The following SGCG variants were observed in gnomAD, a reference collection of about 807,000 sequenced individuals.
The protein encoded by SGCG is gamma-sarcoglycan.
SGCG carries 26 observed loss-of-function variants against 29.3 expected under a neutral mutation model. The ratio of observed to expected loss-of-function variants is 0.89; its 90% CI spans 0.65 to 1.23. The LOEUF is 1.23. SGCG is among the 50% of genes most tolerant of loss of function. The pLI is 0.00. For synonymous variants in SGCG, 145 were observed against 129.7 expected (o/e 1.12, Z -0.80); for missense variants, 353 against 356.0 (o/e 0.99, Z 0.07).
In SGCG at chr13:23,279,377, T is replaced by C. The variant is rs1315465837; in HGVS notation, c.404T>C (p.Val135Ala). ...RLKVGPKMVE[V>A]QNQQFQINSN... ...TCTTCAGGTCCCAAAATGGTAGAAG[T>C]CCAGAATCAACAGTTTCAGATCAAC... The change falls in exon 5 of 8, where the codon GTC becomes GCC. Residue 135 changes from valine to alanine, a missense_variant. By Grantham distance (64) the Val-to-Ala change is moderately conservative. Coordinates refer to ENST00000218867, the MANE Select transcript of SGCG (RefSeq NM_000231.3). 1 of 1,613,044 alleles carries C rather than the reference T, an allele frequency of 6.2e-7. No individual in the cohort carries two copies. Among genetic ancestry groups the C allele is most frequent in the African/African-American group, 1.3e-5 (1 of 74,866 alleles).
intron 6 of SGCG, among the ~76,000 whole-genome samples, chr13:23,307,688 C>A (rs1029911840): frequency 6.6e-6 from 1 of 151,566 alleles, no homozygotes. Context: ...AAATATAGGG[C>A]AATAATATTA....
At chr13:23,304,518 T>C (rs952040886) in intron 6 of SGCG, among the ~76,000 whole-genome samples, 6 of 152,130 alleles carry the variant, frequency 3.9e-5, no homozygotes, top group Admixed American at 3.9e-4. Flanking sequence ...CACTTGGGGC[T>C]GTTCCTGCAA....
chr13:23,288,635 C>T lies in SGCG; in HGVS notation c.506-6780C>T, dbSNP rs1429382846. Reference sequence around the variant, plus strand: ...GGCCTTTAAGCAGGCTCATCTTCCTCCCCCACAAAATTAGACACCAAGTGG... The same window carrying T: ...GGCCTTTAAGCAGGCTCATCTTCCTTCCCCACAAAATTAGACACCAAGTGG... On this transcript the variant is annotated intron_variant, in intron 5 of 7. Coordinates refer to ENST00000218867, the MANE Select transcript of SGCG (RefSeq NM_000231.3). Among the ~76,000 whole-genome samples the T allele has an allele frequency of 4.6e-5, 7 of 152,194 alleles. No homozygotes were observed. In the East Asian group the frequency reaches 9.6e-4, roughly 21 times the overall value.
chr13:23,213,048 G>A (rs148294686), intron 2 of SGCG, among the ~76,000 whole-genome samples: 25 of 152,274 alleles, frequency 1.6e-4, no homozygotes, highest in East Asian at 9.6e-4. Context: ...TACAACACAC[G>A]GAAACTTTCT....
chr13:23,292,298 C>T (rs578036375), intron 5 of SGCG, among the ~76,000 whole-genome samples: 13 of 152,118 alleles, frequency 8.5e-5, no homozygotes, highest in African/African-American at 2.4e-4. Flanking sequence ...TTAGTAGAGA[C>T]GGGATTTGAT....
chr13:23,317,052 G>C (rs900922309), intron 6 of SGCG, among the ~76,000 whole-genome samples: 1 of 152,182 alleles, frequency 6.6e-6, no homozygotes, highest in Middle Eastern at 3.4e-3. Flanking sequence ...AAGATTAGCC[G>C]GGCATGGTGG....
At chr13:23,297,453 A>G (rs1355535886) in intron 6 of SGCG, among the ~76,000 whole-genome samples, 1 of 152,210 alleles carries the variant, frequency 6.6e-6, no homozygotes, top group African/African-American at 2.4e-5. Flanking sequence ...CATGGTTTCT[A>G]TAGATATTAG....
Position 23,288,954 on chromosome 13 carries a change from C to A in SGCG, c.506-6461C>A, listed in dbSNP as rs547678909. Among the ~76,000 whole-genome samples, 350 of 152,236 alleles carry A rather than the reference C, an allele frequency of 2.3e-3. 1 individual carries two copies. The highest frequency in any genetic ancestry group is 3.7e-3 in the Non-Finnish European group (255 of 68,016). On this transcript the variant is annotated intron_variant, in intron 5 of 7. Transcript: ENST00000218867. ...ATAGTCCCAATTCCATTTCTTTATG[C>A]CTTCTGTGCAGCTAAGCAAGATCAC...
chr13:23,311,383 T>C (rs893690196), intron 6 of SGCG, among the ~76,000 whole-genome samples: 4 of 152,262 alleles, frequency 2.6e-5, no homozygotes, highest in Admixed American at 2.0e-4. Context: ...TGGAAAATTA[T>C]TAGCCATAGT....
At chr13:23,182,657 A>G (rs1037530236) in intron 1 of SGCG, among the ~76,000 whole-genome samples, 1 of 152,342 alleles carries the variant, frequency 6.6e-6, no homozygotes, top group African/African-American at 2.4e-5. Context: ...TTATGGGAAC[A>G]CTGGTACAGG....
chr13:23,169,703 T>TACACACACAC, the SGCG span: 1 of 131,044 alleles, frequency 7.6e-6, no homozygotes. Flanking sequence ...CTGTCTCTCA[T>TACACACACAC]ACACACACAC....
chr13:23,245,808 CAA>C (rs1879688404), intron 3 of SGCG: 1 of 152,178 alleles, frequency 6.6e-6, no homozygotes, highest in Admixed American at 6.5e-5. Flanking sequence ...TCCAAAAGCA[CAA>C]AGACAAGATG....
intron 5 of SGCG, among the ~76,000 whole-genome samples, chr13:23,290,902 C>T (rs1455623016): frequency 2.6e-5 from 4 of 152,120 alleles, no homozygotes; most frequent in Non-Finnish European, 5.9e-5. Flanking sequence ...AGTTATTTGC[C>T]GTTCAGTTGC....
intron 5 of SGCG, among the ~76,000 whole-genome samples, chr13:23,281,348 T>C (rs9550945): frequency 3.7e-4 from 7 of 18,998 alleles, no homozygotes; most frequent in Non-Finnish European, 5.1e-4. Flanking sequence ...TCAGTAATAA[T>C]AATAATAATA....
At chr13:23,171,751 G>C in the SGCG span, among the ~76,000 whole-genome samples, 1 of 152,102 alleles carries the variant, frequency 6.6e-6, no homozygotes, top group East Asian at 1.9e-4. Context: ...TCACAATAGG[G>C]TTCACACTCC....
intron 6 of SGCG, among the ~76,000 whole-genome samples, chr13:23,314,189 TAG>T (rs200533752): frequency 0.049 from 5,099 of 104,604 alleles, 128 homozygotes; most frequent in East Asian, 0.14. Context: ...TATATATATA[TAG>T]AGAGAGAGAG....
At chr13:23,262,132 T>A (rs1170518056) in intron 4 of SGCG, among the ~76,000 whole-genome samples, 1 of 151,934 alleles carries the variant, frequency 6.6e-6, no homozygotes, top group Non-Finnish European at 1.5e-5. Flanking sequence ...ACAATCAACA[T>A]GATAACTCGA....
At chr13:23,292,512 A>G (rs1353906436) in intron 5 of SGCG, among the ~76,000 whole-genome samples, 1 of 152,208 alleles carries the variant, frequency 6.6e-6, no homozygotes, top group African/African-American at 2.4e-5. Context: ...TAATTTAGAG[A>G]TTCATCTCTG....
chr13:23,213,682 T>TA (rs1426917249), intron 2 of SGCG, among the ~76,000 whole-genome samples: 1 of 152,250 alleles, frequency 6.6e-6, no homozygotes, highest in African/African-American at 2.4e-5. Context: ...TTTATTTTTT[T>TA]AAAAAACTTA....
Sources: gnomAD v4.1 joint callset for allele counts (sites outside exome capture counted in the v4.1 genomes callset) on GRCh38, gnomAD v4.1.1 for gene constraint, MANE v1.5 for transcripts, NCBI Gene and HGNC (gene_info 2026-07-23, HGNC 2026-07-21) for gene names.